TCF7L2: variants seen among roughly 807,000 people sequenced by gnomAD.
The protein encoded by TCF7L2 is transcription factor 7 like 2, also known as transcription factor 7-like 2.
A neutral mutation model predicts 77.9 loss-of-function variants in TCF7L2; 23 were observed. That is an observed-to-expected ratio of 0.30 (90% CI 0.21 to 0.42). The LOEUF (loss-of-function observed/expected upper bound fraction) is 0.42, where lower values mean the gene tolerates loss of function less well. TCF7L2 is among the 10% of genes least tolerant of loss of function. TCF7L2 has a pLI of 1.00. For missense variants in TCF7L2, 654 were observed against 793.1 expected, an observed-to-expected ratio of 0.82 and a Z score of 2.11; for synonymous variants, 413 against 340.2, an observed-to-expected ratio of 1.21 and a Z score of -2.36.
At chr10:113,142,923 G>T (rs534384221) in intron 6 of TCF7L2, among the ~76,000 whole-genome samples, 67 of 152,342 alleles carry the variant, frequency 4.4e-4, no homozygotes, top group Non-Finnish European at 8.2e-4. Context: ...GTAATAGAGA[G>T]AAAGCAATGT....
At chr10:113,094,721 C>T (rs745409907) in intron 5 of TCF7L2, among the ~76,000 whole-genome samples, 1 of 152,200 alleles carries the variant, frequency 6.6e-6, no homozygotes, top group Admixed American at 6.5e-5. Context: ...ATACTAGAAA[C>T]ACTTTCCTAT....
At chr10:113,072,985 T>C (rs184660685) in intron 5 of TCF7L2, among the ~76,000 whole-genome samples, 24 of 152,142 alleles carry the variant, frequency 1.6e-4, no homozygotes, top group Non-Finnish European at 2.9e-4. Flanking sequence ...AAGTGCCAAG[T>C]GATGCTCCCA....
In TCF7L2 at chr10:113,144,089, T is replaced by C. The variant is rs1174292273; in HGVS notation, c.788+64T>C. ...ACATGGGCATGTTTATTATTTATTC[T>C]GTGTGTGTGTCTGTGTGTGTGTGTG... On this transcript the variant is annotated intron_variant, in intron 7 of 13. Transcript: ENST00000627217. 1.4e-5 allele frequency: 15 copies of C among 1,084,874 alleles called. No individual in the cohort carries two copies. In the Admixed American group the frequency reaches 5.6e-4, roughly 40 times the overall value. The allele number at this position is 1,084,874 out of a possible 1,614,324, so 67.2% of individuals were successfully genotyped here.
chr10:113,140,047 G>A (rs1050402135), intron 5 of TCF7L2, among the ~76,000 whole-genome samples: 11 of 152,142 alleles, frequency 7.2e-5, no homozygotes, highest in Non-Finnish European at 1.5e-4. Context: ...TCTAATACTT[G>A]CCTCTTTATC....
At chr10:113,082,182 G>A (rs1184555938) in intron 5 of TCF7L2, among the ~76,000 whole-genome samples, 2 of 143,012 alleles carry the variant, frequency 1.4e-5, no homozygotes, top group East Asian at 4.1e-4. Flanking sequence ...TTCAGATAAT[G>A]TTAAGGTTAA....
At chr10:112,967,223 G>A (rs1025761098) in intron 4 of TCF7L2, among the ~76,000 whole-genome samples, 10 of 152,088 alleles carry the variant, frequency 6.6e-5, no homozygotes, top group African/African-American at 1.7e-4. Flanking sequence ...CGTGATTGTC[G>A]GGGCAGAATT....
intron 5 of TCF7L2, among the ~76,000 whole-genome samples, chr10:113,131,183 T>C (rs1271049188): frequency 1.3e-5 from 2 of 152,210 alleles, no homozygotes; most frequent in African/African-American, 4.8e-5. Flanking sequence ...TAATCTGCAG[T>C]GGTCGATAAG....
rs183809382 is a variant in TCF7L2, at chr10:113,022,735, G to C, written c.451-17290G>C. ...TTACCAAGCACTTACCTTACACCAG[G>C]TACAATGCCAGGCATTTGATCCTTA... On this transcript the variant is annotated intron_variant, in intron 4 of 13. Transcript: ENST00000627217. 3.9e-5 allele frequency among the ~76,000 whole-genome samples: 6 copies of C among 152,242 alleles called. No homozygotes were observed. In the East Asian group the frequency reaches 9.6e-4, roughly 24 times the overall value.
At chr10:113,023,384 G>A (rs2048550701) in intron 4 of TCF7L2, among the ~76,000 whole-genome samples, 2 of 152,212 alleles carry the variant, frequency 1.3e-5, no homozygotes. Context: ...TTAGGCGGCT[G>A]GAGTTTAATT....
chr10:112,982,703 C>T (rs1218132759), intron 4 of TCF7L2, among the ~76,000 whole-genome samples: 1 of 152,180 alleles, frequency 6.6e-6, no homozygotes, highest in Non-Finnish European at 1.5e-5. Flanking sequence ...TCATTGCAGC[C>T]TCCATCCACC....
chr10:112,966,181 TA>T (rs2036749275), intron 4 of TCF7L2, among the ~76,000 whole-genome samples: 1 of 37,716 alleles, frequency 2.7e-5, no homozygotes, highest in Non-Finnish European at 5.6e-5. Flanking sequence ...GTCTAAAATA[TA>T]TTTATATATA....
intron 5 of TCF7L2, chr10:113,126,919 C>G: frequency 1.0e-6 from 1 of 985,434 alleles, no homozygotes; most frequent in Non-Finnish European, 1.2e-6. Context: ...GGCAGGGGTG[C>G]GCGGTGGCCG....
chr10:112,964,816 G>GTGGTGATGGTGGT (rs1331506565), intron 4 of TCF7L2, among the ~76,000 whole-genome samples, 192 bp downstream of exon 4: 72 of 148,150 alleles, frequency 4.9e-4, no homozygotes, highest in East Asian at 2.1e-3. Flanking sequence ...TGGTGGTGGG[G>GTGGTGATGGTGGT]GGGGGTTGAA....
intron 4 of TCF7L2, among the ~76,000 whole-genome samples, chr10:112,980,144 G>T (rs2040212414): frequency 6.6e-6 from 1 of 152,186 alleles, no homozygotes; most frequent in African/African-American, 2.4e-5. Flanking sequence ...TGAGGGTGGG[G>T]TATACACAGT....
intron 13 of TCF7L2, 146 bp from the exon 15 acceptor site, chr10:113,165,409 C>T: frequency 2.3e-6 from 2 of 861,152 alleles, no homozygotes; most frequent in Non-Finnish European, 3.7e-6. Context: ...TGGGGGGGCG[C>T]CACTGTAATT....
At chr10:113,082,624 T>A (rs1203130566) in intron 5 of TCF7L2, among the ~76,000 whole-genome samples, 3 of 151,990 alleles carry the variant, frequency 2.0e-5, no homozygotes, top group Non-Finnish European at 4.4e-5. Flanking sequence ...TGTGTGCACG[T>A]GCACACGCAC....
At chr10:113,019,797 CAT>C (rs1491340153) in intron 4 of TCF7L2, among the ~76,000 whole-genome samples, 3 of 100,118 alleles carry the variant, frequency 3.0e-5, no homozygotes, top group Non-Finnish European at 3.8e-5. Flanking sequence ...GAACAGCTGA[CAT>C]TTTTTTTTTT....
intron 6 of TCF7L2, 93 bp downstream of exon 6, chr10:113,141,409 A>G (rs2136854562): frequency 6.5e-7 from 1 of 1,548,686 alleles, no homozygotes; most frequent in Non-Finnish European, 8.7e-7. Context: ...GGGGTGGAGC[A>G]GTAGGGGACT....
At chr10:113,165,444 C>T (rs1052498486) in intron 13 of TCF7L2, 111 bp from the exon 15 acceptor site, 7 of 1,238,316 alleles carry the variant, frequency 5.7e-6, no homozygotes, top group African/African-American at 1.5e-5. Context: ...GGGCGTGCCA[C>T]CTCTGTGGGA....
Sources: gnomAD v4.1 joint callset for allele counts (sites outside exome capture counted in the v4.1 genomes callset) on GRCh38, gnomAD v4.1.1 for gene constraint, MANE v1.5 for transcripts, NCBI Gene and HGNC (gene_info 2026-07-23, HGNC 2026-07-21) for gene names.